MAPK4: variants seen among roughly 807,000 people sequenced by gnomAD.
MAPK4 encodes mitogen-activated protein kinase 4.
Under a neutral mutation model 47.7 loss-of-function variants are expected in MAPK4, and 22 were observed. The ratio of observed to expected loss-of-function variants is 0.46; its 90% confidence interval spans 0.33 to 0.66. The LOEUF is 0.66. Ranked by LOEUF, MAPK4 falls within the 30% of genes least tolerant of loss-of-function variation. MAPK4 has a pLI of 0.02. For synonymous variants in MAPK4, 390 were observed against 365.7 expected (o/e 1.07, Z -0.76); for missense variants, 736 against 831.7 (o/e 0.88, Z 1.42).
At chr18:50,676,066 G>A (rs1393258786) in intron 2 of MAPK4, among the ~76,000 whole-genome samples, 1 of 152,188 alleles carries the variant, frequency 6.6e-6, no homozygotes, top group Non-Finnish European at 1.5e-5. Flanking sequence ...GGCTCATTGA[G>A]CCTGTAGTCA....
At chr18:50,652,115 G>A (rs149989692) in intron 1 of MAPK4, among the ~76,000 whole-genome samples, 2 of 152,316 alleles carry the variant, frequency 1.3e-5, no homozygotes, top group Non-Finnish European at 2.9e-5. Context: ...CCACCTCACA[G>A]AGATGAGACT....
chr18:50,667,728 G>C (rs1907684169), intron 2 of MAPK4, among the ~76,000 whole-genome samples: 1 of 152,142 alleles, frequency 6.6e-6, no homozygotes, highest in African/African-American at 2.4e-5. Context: ...AAAACTCTCA[G>C]AACATTTTTC....
chr18:50,681,068 C>T (rs1378214459), intron 2 of MAPK4, among the ~76,000 whole-genome samples: 2 of 152,084 alleles, frequency 1.3e-5, no homozygotes, highest in African/African-American at 4.8e-5. Flanking sequence ...CACATCCTCA[C>T]CAACACTTTT....
In MAPK4 at chr18:50,709,524, G is replaced by A. The variant is rs189558865; in HGVS notation, c.547-5555G>A. Among the ~76,000 whole-genome samples, 24 of 152,322 alleles carry A rather than the reference G, an allele frequency of 1.6e-4. No homozygotes were observed. In the South Asian group the frequency reaches 1.7e-3, roughly 11 times the overall value. On this transcript the variant is annotated intron_variant, in intron 2 of 5. Coordinates refer to ENST00000400384, the MANE Select transcript of MAPK4 (RefSeq NM_002747.4). ...GCCCTTCTGCAACCTACGCTGAAAC[G>A]CCTTCCGCACTAGGAGGGGGCATTC...
intron 2 of MAPK4, among the ~76,000 whole-genome samples, chr18:50,666,828 C>G (rs1312182722): frequency 6.6e-6 from 1 of 152,138 alleles, no homozygotes; most frequent in African/African-American, 2.4e-5. Context: ...GCTTTCTGCC[C>G]TCTCTTCCCA....
chr18:50,683,258 T>C lies in MAPK4; in HGVS notation c.546+18754T>C, dbSNP rs566256991. ...CCTCAGCCTCCCAAGTAGCTGAGAT[T>C]ACAGGCAAGCACCACCATGCCCAGC... On this transcript the variant is annotated intron_variant, in intron 2 of 5. Coordinates refer to ENST00000400384, the MANE Select transcript of MAPK4 (RefSeq NM_002747.4). 4.6e-5 allele frequency among the ~76,000 whole-genome samples: 7 copies of C among 152,274 alleles called. No individual in the cohort carries two copies. The East Asian group carries it at 1.2e-3, about 25-fold the overall frequency.
intron 1 of MAPK4, among the ~76,000 whole-genome samples, chr18:50,589,539 T>G: frequency 1.4e-5 from 2 of 143,054 alleles, no homozygotes; most frequent in African/African-American, 2.6e-5. Context: ...GAGCTTGCAG[T>G]GAGCCGAGAT....
At chr18:50,648,930 C>T (rs564948810) in intron 1 of MAPK4, among the ~76,000 whole-genome samples, 1 of 152,204 alleles carries the variant, frequency 6.6e-6, no homozygotes, top group Non-Finnish European at 1.5e-5. Context: ...GTCCTTGGAG[C>T]CTGGATGAGG....
chr18:50,671,744 G>A (rs1044719530), intron 2 of MAPK4, among the ~76,000 whole-genome samples: 3 of 151,968 alleles, frequency 2.0e-5, no homozygotes, highest in African/African-American at 7.3e-5. Context: ...GAAAAAATTA[G>A]CCAGGTATAG....
chr18:50,606,417 G>A (rs576021702), intron 1 of MAPK4, among the ~76,000 whole-genome samples: 4 of 152,186 alleles, frequency 2.6e-5, no homozygotes, highest in African/African-American at 7.2e-5. Flanking sequence ...AGTGAGATTA[G>A]CCTAGCAATG....
intron 1 of MAPK4, among the ~76,000 whole-genome samples, chr18:50,577,959 C>G (rs1365209932): frequency 1.3e-5 from 2 of 152,156 alleles, no homozygotes; most frequent in Non-Finnish European, 2.9e-5. Context: ...AAACTGGTTT[C>G]TGTAACATTA....
intron 1 of MAPK4, among the ~76,000 whole-genome samples, chr18:50,647,290 T>C (rs1028302481): frequency 1.3e-5 from 2 of 152,162 alleles, no homozygotes; most frequent in African/African-American, 4.8e-5. Flanking sequence ...GTAAGGAGAA[T>C]TTATTGAAAA....
At chr18:50,657,934 G>A (rs1472194393) in intron 1 of MAPK4, among the ~76,000 whole-genome samples, 1 of 151,964 alleles carries the variant, frequency 6.6e-6, no homozygotes, top group Non-Finnish European at 1.5e-5. Context: ...ACGTTTCCTG[G>A]GTAGGTGGCC....
At chr18:50,573,884 T>C (rs2969968) in intron 1 of MAPK4, among the ~76,000 whole-genome samples, 151,706 of 152,278 alleles carry the variant, frequency 1, 75,571 homozygotes, top group East Asian at 1. Flanking sequence ...CTCCTAGTGG[T>C]GCTGTCTGGT....
chr18:50,569,267 T>C (rs1318788146), intron 1 of MAPK4, among the ~76,000 whole-genome samples: 4 of 152,266 alleles, frequency 2.6e-5, no homozygotes, highest in Admixed American at 6.5e-5. Context: ...ATTTTTACAC[T>C]TCTAGTTGAC....
intron 4 of MAPK4, 62 bp from the exon 5 acceptor site, chr18:50,725,900 A>C: frequency 2.3e-6 from 3 of 1,310,130 alleles, no homozygotes; most frequent in Non-Finnish European, 3.3e-6. Context: ...GTGCTGAGGA[A>C]TCTCCTTCTG....
intron 1 of MAPK4, among the ~76,000 whole-genome samples, chr18:50,576,987 CCTGGAG>C (rs1363296685): frequency 2.1e-4 from 32 of 152,272 alleles, no homozygotes; most frequent in Admixed American, 2.0e-3. Context: ...ACCCTGCTCT[CCTGGAG>C]CTTGGAGCTT....
chr18:50,674,400 G>A (rs1908142894), intron 2 of MAPK4, among the ~76,000 whole-genome samples: 1 of 152,184 alleles, frequency 6.6e-6, no homozygotes, highest in African/African-American at 2.4e-5. Context: ...CGGTGGGGGT[G>A]TGGGCATCGC....
At chr18:50,642,430 G>A (rs570722557) in intron 1 of MAPK4, among the ~76,000 whole-genome samples, 12 of 152,136 alleles carry the variant, frequency 7.9e-5, no homozygotes, top group Non-Finnish European at 1.3e-4. Flanking sequence ...AAAACTGCTG[G>A]TGTATGCATT....
Sources: allele counts gnomAD v4.1 joint callset (sites outside exome capture counted in the v4.1 genomes callset), GRCh38; gene constraint gnomAD v4.1.1; transcripts MANE v1.5; gene names NCBI Gene and HGNC (gene_info 2026-07-23, HGNC 2026-07-21).